Variants in ENPP6 observed in about 807,000 individuals in gnomAD.
ENPP6 encodes ectonucleotide pyrophosphatase/phosphodiesterase 6, also known as glycerophosphocholine cholinephosphodiesterase ENPP6.
In ENPP6, 32 loss-of-function variants were observed where a neutral mutation model predicts 42.0. The ratio of observed to expected loss-of-function variants is 0.76; its 90% CI spans 0.58 to 1.02. The LOEUF (loss-of-function observed/expected upper bound fraction) is 1.02, where lower values mean the gene tolerates loss of function less well. Among genes scored for constraint, ENPP6 ranks in the 50% least tolerant of loss-of-function variants. ENPP6 has a pLI of 0.00. For missense variants in ENPP6, 552 were observed against 566.8 expected (o/e 0.97, Z 0.27); for synonymous variants, 213 against 216.0 (o/e 0.99, Z 0.12).
chr4:184,201,888 G>A (rs914266825), intron 1 of ENPP6, among the ~76,000 whole-genome samples: 2 of 152,266 alleles, frequency 1.3e-5, no homozygotes, highest in Middle Eastern at 3.4e-3. Flanking sequence ...AAAAAATGTT[G>A]TTAGGTGTCT....
chr4:184,151,299 C>T (rs1445418808), intron 2 of ENPP6, among the ~76,000 whole-genome samples: 2 of 152,250 alleles, frequency 1.3e-5, no homozygotes, highest in Non-Finnish European at 2.9e-5. Flanking sequence ...GGTCATGCCA[C>T]TGCACTCCAG....
intron 7 of ENPP6, among the ~76,000 whole-genome samples, chr4:184,092,369 G>A (rs1253965880): frequency 6.6e-6 from 1 of 152,176 alleles, no homozygotes; most frequent in Non-Finnish European, 1.5e-5. Context: ...ACTGGTATCT[G>A]AATCAGGGAT....
rs755295141 is a variant in ENPP6, at chr4:184,153,738, G to T, written c.242-5C>A. ...GATGGACTTCACAATGGCGGCCTAT[G>T]TCAATGAGAACACAGCTGTCAGTTT... On this transcript the variant is annotated splice_polypyrimidine_tract_variant and splice_region_variant and intron_variant, in intron 1 of 7. Transcript: ENST00000296741. 1.2e-6 allele frequency: 2 copies of T among 1,613,444 alleles called. No homozygotes were observed. The highest frequency in any genetic ancestry group is 1.7e-6 in the Non-Finnish European group (2 of 1,179,656).
chr4:184,195,904 C>A (rs1306894547), intron 1 of ENPP6, among the ~76,000 whole-genome samples: 1 of 152,236 alleles, frequency 6.6e-6, no homozygotes, highest in African/African-American at 2.4e-5. Flanking sequence ...TCTCTCTAAT[C>A]CTCCACATCC....
At chr4:184,139,100 G>A (rs1324303060) in intron 2 of ENPP6, among the ~76,000 whole-genome samples, 2 of 152,188 alleles carry the variant, frequency 1.3e-5, no homozygotes, top group East Asian at 3.9e-4. Context: ...GATGGAGACT[G>A]GACAGGTGCA....
rs761326877 is a variant in ENPP6, at chr4:184,116,979, G to C, written c.732C>G (p.Thr244=). Residue 244 remains threonine (T), a synonymous_variant, in exon 5 of 8, where the codon ACC becomes ACG. Transcript: ENST00000296741. Reference sequence around the variant, plus strand: ...TCACTTTGTCCATCCAGAAAATGTCGGTCATTCCGTGATCCGAGAAAATAA... The same window carrying C: ...TCACTTTGTCCATCCAGAAAATGTCCGTCATTCCGTGATCCGAGAAAATAA... The part of the protein sequence containing the change: ...NVIIFSDHGM[T]DIFWMDKVIE... 1.2e-5 allele frequency: 20 copies of C among 1,613,988 alleles called. No individual in the cohort carries two copies. Among genetic ancestry groups the C allele is most frequent in the Non-Finnish European group, 1.6e-5 (19 of 1,180,040 alleles).
chr4:184,160,525 G>A (rs762422053), intron 1 of ENPP6, among the ~76,000 whole-genome samples: 4 of 151,990 alleles, frequency 2.6e-5, no homozygotes, highest in Admixed American at 6.6e-5. Flanking sequence ...TTAATCTGTG[G>A]TAATTCAGTT....
intron 2 of ENPP6, among the ~76,000 whole-genome samples, chr4:184,132,586 G>C (rs533758924): frequency 1.3e-4 from 11 of 87,052 alleles, no homozygotes; most frequent in African/African-American, 4.3e-4. Context: ...TCCTGCTTAA[G>C]AAATATTCTT....
intron 7 of ENPP6, among the ~76,000 whole-genome samples, chr4:184,091,860 T>C (rs554813459): frequency 1.2e-3 from 180 of 152,312 alleles, no homozygotes; most frequent in African/African-American, 4.2e-3. Flanking sequence ...AGTGCCACTG[T>C]ACTCCAGCCT....
chr4:184,119,795 T>C lies in ENPP6; in HGVS notation c.534-1895A>G, dbSNP rs150368396. Among the ~76,000 whole-genome samples, 822 of 152,196 alleles carry C rather than the reference T, an allele frequency of 5.4e-3. 4 individuals carry two copies. The highest frequency in any genetic ancestry group is 0.01 in the Middle Eastern group (3 of 292). ...AGTGAGTTCCCATGAGATCTGATGG[T>C]TTTATAAAGGGATTTCCCCCCTTTT... On this transcript the variant is annotated intron_variant, in intron 3 of 7. Transcript: ENST00000296741.
Position 184,116,773 on chromosome 4 carries a change from A to G in ENPP6, c.855+83T>C, listed in dbSNP as rs1736320572. ...ACACACACACACAAAACAAAACAAA[A>G]AAACTACAAGGAAAAGACAGTGCAG... is the stretch of plus-strand genomic sequence containing the variant. On this transcript the variant is annotated intron_variant, in intron 5 of 7. Transcript: ENST00000296741. 4 of 1,532,862 alleles carry G rather than the reference A, an allele frequency of 2.6e-6. No homozygotes were observed. The African/African-American group carries it at 5.6e-5, about 21-fold the overall frequency. 95.0% of individuals were successfully genotyped at this position (1,532,862 alleles called of 1,614,324 possible). A position where few individuals can be genotyped will look rare whatever the true frequency, so the allele number is the denominator to read the frequency against.
At chr4:184,169,400 AG>A (rs1390061201) in intron 1 of ENPP6, among the ~76,000 whole-genome samples, 1 of 152,226 alleles carries the variant, frequency 6.6e-6, no homozygotes, top group East Asian at 1.9e-4. Flanking sequence ...GGCTACAGCC[AG>A]GGCCGCGGGG....
chr4:184,162,846 G>T (rs1737289386), intron 1 of ENPP6, among the ~76,000 whole-genome samples: 1 of 152,150 alleles, frequency 6.6e-6, no homozygotes, highest in Non-Finnish European at 1.5e-5. Flanking sequence ...TAATTCAGGG[G>T]TTTTACAAAG....
intron 6 of ENPP6, among the ~76,000 whole-genome samples, chr4:184,100,380 T>C (rs556421829): frequency 6.6e-6 from 1 of 152,276 alleles, no homozygotes; most frequent in South Asian, 2.1e-4. Context: ...CCTCTCCACC[T>C]CCACAGTGGG....
intron 1 of ENPP6, among the ~76,000 whole-genome samples, chr4:184,211,300 C>G (rs2111125012): frequency 6.6e-6 from 1 of 152,144 alleles, no homozygotes; most frequent in South Asian, 2.1e-4. Flanking sequence ...AATCCAGGAG[C>G]TGGTTTTTTG....
At position 184,093,042 on chromosome 4, in the gene ENPP6, T is replaced by C. The variant is rs144776069; in HGVS notation, c.1118-1660A>G. ...CCAGGGCAACTGCCCAAATAGCACG[T>C]TTTGCTCCCTTTGGAGAATTAAAGT... On this transcript the variant is annotated intron_variant, in intron 7 of 7. Coordinates refer to ENST00000296741, the MANE Select transcript of ENPP6 (RefSeq NM_153343.4). Among the ~76,000 whole-genome samples, 75 of 152,262 alleles carry C rather than the reference T, an allele frequency of 4.9e-4. No individual in the cohort carries two copies. In the East Asian group the frequency reaches 0.013, roughly 27 times the overall value.
intron 5 of ENPP6, among the ~76,000 whole-genome samples, chr4:184,113,916 T>TTTCTTTCTTTCTTTCTTTCTTTCC (rs1560981871): frequency 2.0e-4 from 26 of 132,250 alleles, no homozygotes; most frequent in Non-Finnish European, 2.5e-4. Flanking sequence ...TCTTTCTTTC[T>TTTCTTTCTTTCTTTCTTTCTTTCC]TTCTTTCTTT....
chr4:184,214,265 T>C (rs967330937), intron 1 of ENPP6, among the ~76,000 whole-genome samples: 1 of 151,582 alleles, frequency 6.6e-6, no homozygotes, highest in Admixed American at 6.6e-5. Flanking sequence ...GAAAAAAGAT[T>C]CAATGTTCCT....
chr4:184,127,179 A>T (rs1425463374), intron 2 of ENPP6, among the ~76,000 whole-genome samples: 1 of 152,266 alleles, frequency 6.6e-6, no homozygotes, highest in African/African-American at 2.4e-5. Flanking sequence ...AAAAGTGCAT[A>T]TGTGGACAAA....
Sources: gnomAD v4.1 joint callset for allele counts (sites outside exome capture counted in the v4.1 genomes callset) on GRCh38, gnomAD v4.1.1 for gene constraint, MANE v1.5 for transcripts, NCBI Gene and HGNC (gene_info 2026-07-23, HGNC 2026-07-21) for gene names.